Variants in FANCB observed in about 807,000 individuals in gnomAD.
The protein encoded by FANCB is FA complementation group B, also known as Fanconi anemia group B protein.
A neutral mutation model predicts 38.9 loss-of-function variants in FANCB; 5 were observed. That is an observed-to-expected ratio of 0.13 (90% CI 0.07 to 0.27). The LOEUF (loss-of-function observed/expected upper bound fraction) is 0.27, where lower values mean the gene tolerates loss of function less well. FANCB is among the 10% of genes least tolerant of loss of function. The pLI, the probability that FANCB is intolerant of heterozygous loss-of-function variation, is 1.00. For missense variants in FANCB, 573 were observed against 602.7 expected (o/e 0.95, Z 0.52); for synonymous variants, 236 against 215.4 (o/e 1.10, Z -0.84).
Position 14,845,007 on chromosome X carries a change from T to C in FANCB, c.1776A>G (p.Lys592=). The change falls in exon 8 of 10, where the codon AAA becomes AAG. Residue 592 remains lysine, a synonymous_variant. Transcript: ENST00000650831. ...TTTGTAGCAGTACAGTGCAACAAAATTTACTGAATGTTAAAAGTGGTGAAA... is the reference window on the plus strand; with the variant it reads ...TTTGTAGCAGTACAGTGCAACAAAACTTACTGAATGTTAAAAGTGGTGAAA... ...TSLSPLLTFS[K]FCCTVLLQIM... 8.3e-7 allele frequency: 1 copy of C among 1,210,238 alleles called. No individual in the cohort carries two copies. Among genetic ancestry groups the C allele is most frequent in the Non-Finnish European group, 1.1e-6 (1 of 894,155 alleles).
the FANCB span, among the ~76,000 whole-genome samples, chrX:14,816,891 C>G: frequency 1.8e-5 from 2 of 111,689 alleles, no homozygotes; most frequent in African/African-American, 6.5e-5. Context: ...AGTTTCTGAA[C>G]CACTCTTTAC....
the FANCB span, among the ~76,000 whole-genome samples, chrX:14,809,067 T>C: frequency 8.9e-6 from 1 of 112,376 alleles, no homozygotes; most frequent in Non-Finnish European, 1.9e-5. Context: ...TATTCCATGT[T>C]CATGGGTTGG....
At chrX:14,786,521 C>T in the FANCB span, among the ~76,000 whole-genome samples, 123 of 110,813 alleles carry the variant, frequency 1.1e-3, no homozygotes, top group African/African-American at 2.7e-3. Context: ...TATGAATGAA[C>T]GCCCCAAAAG....
the FANCB span, chrX:14,690,923 A>G: frequency 2.8e-6 from 3 of 1,082,723 alleles, no homozygotes; most frequent in Non-Finnish European, 2.6e-6. Flanking sequence ...AATGTAATTC[A>G]GAAAACAGAA....
At chrX:14,701,982 G>A in the FANCB span, among the ~76,000 whole-genome samples, 1 of 112,349 alleles carries the variant, frequency 8.9e-6, no homozygotes, top group South Asian at 3.7e-4. Context: ...TTAAAGTGAT[G>A]ACTGAGGACA....
chrX:14,775,779 G>C, the FANCB span, among the ~76,000 whole-genome samples: 1 of 112,183 alleles, frequency 8.9e-6, no homozygotes, highest in Non-Finnish European at 1.9e-5. Flanking sequence ...ACAGCATCGA[G>C]TCAGTTATTT....
the FANCB span, among the ~76,000 whole-genome samples, chrX:14,748,840 G>A: frequency 8.9e-6 from 1 of 111,981 alleles, no homozygotes; most frequent in African/African-American, 3.2e-5. Context: ...CCAGGACCAT[G>A]GCAGTGTCAT....
chrX:14,855,605 G>A (rs2092419915), intron 5 of FANCB, among the ~76,000 whole-genome samples: 1 of 112,021 alleles, frequency 8.9e-6, no homozygotes, highest in Non-Finnish European at 1.9e-5. Context: ...CATCTATTGA[G>A]TTTTTTATTT....
chrX:14,849,609 G>A (rs969486554), intron 7 of FANCB, among the ~76,000 whole-genome samples: 1 of 112,207 alleles, frequency 8.9e-6, no homozygotes, highest in Non-Finnish European at 1.9e-5. Flanking sequence ...CATCCCAAAA[G>A]AGAATATCGT....
chrX:14,717,755 A>C, the FANCB span, among the ~76,000 whole-genome samples: 1 of 109,965 alleles, frequency 9.1e-6, no homozygotes, highest in Non-Finnish European at 1.9e-5. Context: ...AAAAAAAAAA[A>C]AACCCATCGG....
chrX:14,731,641 G>A, the FANCB span: 4 of 111,247 alleles, frequency 3.6e-5, no homozygotes, highest in African/African-American at 3.3e-5. Flanking sequence ...CCAGAGCTAC[G>A]TGGTTTGAAT....
chrX:14,752,225 G>A, the FANCB span, among the ~76,000 whole-genome samples: 3 of 111,711 alleles, frequency 2.7e-5, no homozygotes, highest in African/African-American at 9.8e-5. Context: ...CCTCCAGATA[G>A]CCTGGTTTCC....
intron 1 of FANCB, among the ~76,000 whole-genome samples, chrX:14,870,809 C>A (rs1389156382): frequency 9.0e-6 from 1 of 111,388 alleles, no homozygotes; most frequent in Non-Finnish European, 1.9e-5. Flanking sequence ...CCTAGAAGAG[C>A]AGATGACATC....
At chrX:14,797,691 A>AG in the FANCB span, among the ~76,000 whole-genome samples, 13 of 103,313 alleles carry the variant, frequency 1.3e-4, no homozygotes, top group South Asian at 1.7e-3. Flanking sequence ...AAAAAAAAAA[A>AG]AGAGAGAGAG....
chrX:14,726,511 T>A, the FANCB span, among the ~76,000 whole-genome samples: 1 of 112,499 alleles, frequency 8.9e-6, no homozygotes, highest in Non-Finnish European at 1.9e-5. Flanking sequence ...ATAACTATGC[T>A]CAGAAGCATA....
At chrX:14,828,608 T>C in the FANCB span, among the ~76,000 whole-genome samples, 1 of 112,250 alleles carries the variant, frequency 8.9e-6, no homozygotes, top group Admixed American at 9.4e-5. Context: ...CTAGTTCTTT[T>C]GCTATTTCCA....
the FANCB span, among the ~76,000 whole-genome samples, chrX:14,821,473 T>C: frequency 1.8e-5 from 2 of 112,164 alleles, no homozygotes; most frequent in African/African-American, 3.2e-5. Flanking sequence ...AAAATATTTG[T>C]TCAGAAAATG....
At chrX:14,741,763 T>C in the FANCB span, among the ~76,000 whole-genome samples, 2 of 111,943 alleles carry the variant, frequency 1.8e-5, no homozygotes, top group Non-Finnish European at 3.8e-5. Flanking sequence ...GCTTTTTAAT[T>C]GATGAAAAAA....
chrX:14,727,849 C>T, the FANCB span, among the ~76,000 whole-genome samples: 1 of 111,664 alleles, frequency 9.0e-6, no homozygotes, highest in Admixed American at 9.5e-5. Context: ...TGGCCCCTTC[C>T]ACCAGATTCT....
Sources: gnomAD v4.1 joint callset for allele counts (sites outside exome capture counted in the v4.1 genomes callset) on GRCh38, gnomAD v4.1.1 for gene constraint, MANE v1.5 for transcripts, NCBI Gene and HGNC (gene_info 2026-07-23, HGNC 2026-07-21) for gene names.